BTF3L4: variants seen among roughly 807,000 people sequenced by gnomAD.
BTF3L4 encodes the protein basic transcription factor 3 like 4.
Under a neutral mutation model 16.8 loss-of-function variants are expected in BTF3L4, and 6 were observed. That is an observed-to-expected ratio of 0.36 (90% CI 0.20 to 0.71). The LOEUF is 0.71. Among genes scored for constraint, BTF3L4 ranks in the 30% least tolerant of loss-of-function variants. The pLI is 0.58. For synonymous variants in BTF3L4, 39 were observed against 59.8 expected (o/e 0.65, Z 1.60); for missense variants, 92 against 186.9 (o/e 0.49, Z 2.96).
chr1:52,061,582 T>C, intron 2 of BTF3L4, among the ~76,000 whole-genome samples: 1 of 151,196 alleles, frequency 6.6e-6, no homozygotes, highest in East Asian at 1.9e-4. Flanking sequence ...CATATGGTGC[T>C]AAGATAACAC....
At chr1:52,080,989 G>GCCA (rs1462815032) in intron 3 of BTF3L4, among the ~76,000 whole-genome samples, 8 of 150,892 alleles carry the variant, frequency 5.3e-5, no homozygotes, top group Admixed American at 1.3e-4. Context: ...ACAGGCACAT[G>GCCA]CCACCACACC....
intron 3 of BTF3L4, among the ~76,000 whole-genome samples, chr1:52,066,442 T>C (rs1398736759): frequency 6.6e-6 from 1 of 151,268 alleles, no homozygotes; most frequent in Non-Finnish European, 1.5e-5. Context: ...CCTCAAATAA[T>C]CTGCCCACCT....
rs183803399 is a variant in BTF3L4, at chr1:52,085,412, G to A, written c.371-700G>A. 4.7e-5 allele frequency among the ~76,000 whole-genome samples: 7 copies of A among 149,990 alleles called. No individual in the cohort carries two copies. The East Asian group carries it at 5.9e-4, about 13-fold the overall frequency. On this transcript the variant is annotated intron_variant, in intron 4 of 5. Transcript: ENST00000313334. The stretch of plus-strand genomic sequence containing the variant: ...TTTTGAGACAGAGTCTGACTCTGTC[G>A]CCCAGGATGGAGTGCAGTGGATTAC...
intron 2 of BTF3L4, among the ~76,000 whole-genome samples, chr1:52,064,365 AT>A (rs545790438): frequency 2.2e-4 from 34 of 152,030 alleles, no homozygotes; most frequent in Admixed American, 6.6e-4. Flanking sequence ...ATATTTATTG[AT>A]TTTTTTCCTC....
Position 52,083,346 on chromosome 1 carries a change from A to G in BTF3L4, c.175A>G (p.Met59Val). 6.2e-7 allele frequency: 1 copy of G among 1,612,502 alleles called. No individual in the cohort carries two copies. The highest frequency in any genetic ancestry group is 1.3e-5 in the African/African-American group (1 of 75,014). The change falls in exon 4 of 6, where the codon ATG (methionine) becomes GTG (valine). Residue 59 changes from methionine to valine, a missense_variant. Physicochemically the swap from Met to Val is conservative, Grantham distance 21. Coordinates refer to ENST00000313334, the MANE Select transcript of BTF3L4 (RefSeq NM_152265.5). ...TTCTTCTGTGATCATACAGGTGAAC[A>G]TGATTAAAGATGATGGGACAGTTAT... ...NNIAGIEEVN[M>V]IKDDGTVIHF...
intron 3 of BTF3L4, among the ~76,000 whole-genome samples, chr1:52,077,283 T>G (rs1042196943): frequency 2.0e-5 from 3 of 152,220 alleles, no homozygotes; most frequent in Non-Finnish European, 4.4e-5. Flanking sequence ...AGCTCCTACC[T>G]GTAATCACAA....
At chr1:52,063,938 A>G (rs190301357) in intron 2 of BTF3L4, among the ~76,000 whole-genome samples, 9 of 152,294 alleles carry the variant, frequency 5.9e-5, no homozygotes, top group Admixed American at 5.2e-4. Context: ...CTACATAGCA[A>G]CTTCAGTCAT....
intron 3 of BTF3L4, among the ~76,000 whole-genome samples, chr1:52,080,841 T>C (rs1287038593): frequency 6.9e-6 from 1 of 145,742 alleles, no homozygotes; most frequent in Non-Finnish European, 1.5e-5. Context: ...GCCTTCTTTT[T>C]TTTTTTTTTT....
chr1:52,090,338 A>G lies in BTF3L4; in HGVS notation c.*3580A>G, dbSNP rs979327073. The G allele has an allele frequency of 2.0e-5, 3 of 152,348 alleles. No individual in the cohort carries two copies. Among genetic ancestry groups the G allele is most frequent in the African/African-American group, 7.2e-5 (3 of 41,578 alleles). The allele number at this position is 152,348 out of a possible 1,614,324, so 9.4% of individuals were successfully genotyped here. ...CGTGTTATCTCCTAAGCTATGGCTT[A>G]GATTTTCCGAAGCTCATGGTTCTAG... On this transcript the variant is annotated 3_prime_UTR_variant, in exon 6 of 6. Transcript: ENST00000313334.
intron 3 of BTF3L4, among the ~76,000 whole-genome samples, chr1:52,073,112 C>T (rs1278594111): frequency 6.6e-6 from 1 of 151,930 alleles, no homozygotes; most frequent in Non-Finnish European, 1.5e-5. Flanking sequence ...ATCCCAGCTA[C>T]TCAGGAGGCT....
intron 2 of BTF3L4, among the ~76,000 whole-genome samples, chr1:52,063,857 C>G (rs1686580254): frequency 6.6e-6 from 1 of 152,234 alleles, no homozygotes; most frequent in South Asian, 2.1e-4. Flanking sequence ...ACCATCTTCA[C>G]TGCCATATCC....
intron 3 of BTF3L4, among the ~76,000 whole-genome samples, chr1:52,073,530 A>ACG (rs59524484): frequency 2.9e-4 from 44 of 149,284 alleles, no homozygotes; most frequent in Middle Eastern, 6.9e-3. Flanking sequence ...ACACACACAC[A>ACG]TATGATTACA....
chr1:52,086,120 A>G lies in BTF3L4; in HGVS notation c.379A>G (p.Ser127Gly), dbSNP rs951590482. Reference protein sequence around the residue: ...AEQFPRQVLDSKAPKPEDIDE... With the variant: ...AEQFPRQVLDGKAPKPEDIDE... ...AAATAAACTTTTTGTAGTCTTGGAC[A>G]GTAAAGCACCAAAACCAGAAGACAT... Residue 127 changes from serine to glycine, a missense_variant, in exon 5 of 6, where the codon AGT becomes GGT. Ser to Gly is a moderately conservative substitution (Grantham distance 56, BLOSUM62 0). Transcript: ENST00000313334. The G allele has an allele frequency of 1.2e-6, 2 of 1,608,418 alleles. No homozygotes were observed. Among genetic ancestry groups the G allele is most frequent in the East Asian group, 2.2e-5 (1 of 44,626 alleles).
intron 3 of BTF3L4, among the ~76,000 whole-genome samples, chr1:52,077,329 G>A (rs1319250616): frequency 1.3e-5 from 2 of 152,174 alleles, no homozygotes; most frequent in African/African-American, 4.8e-5. Flanking sequence ...GTCACCTGAG[G>A]TCAGGAGTTT....
chr1:52,059,068 C>G (rs1686445503), intron 1 of BTF3L4, among the ~76,000 whole-genome samples: 1 of 151,678 alleles, frequency 6.6e-6, no homozygotes, highest in Non-Finnish European at 1.5e-5. Flanking sequence ...TAGGAGTCTC[C>G]TCTCTGCCCC....
intron 2 of BTF3L4, chr1:52,060,393 T>G: frequency 9.1e-7 from 1 of 1,103,168 alleles, no homozygotes; most frequent in Non-Finnish European, 1.2e-6. Context: ...TAGCTGGAGA[T>G]GCTTAAGTTG....
chr1:52,075,608 T>C (rs1368775347), intron 3 of BTF3L4, among the ~76,000 whole-genome samples: 1 of 146,122 alleles, frequency 6.8e-6, no homozygotes, highest in African/African-American at 2.5e-5. Context: ...AGTAATTATA[T>C]ATTATATGTA....
chr1:52,069,485 T>C (rs980517900), intron 3 of BTF3L4, among the ~76,000 whole-genome samples: 2 of 152,114 alleles, frequency 1.3e-5, no homozygotes, highest in African/African-American at 4.8e-5. Flanking sequence ...GATATGAACA[T>C]ATATATATGT....
At chr1:52,060,691 C>G (rs1173998892) in intron 2 of BTF3L4, 2 of 936,228 alleles carry the variant, frequency 2.1e-6, no homozygotes, top group Non-Finnish European at 2.6e-6. Flanking sequence ...GTAGTGGGTC[C>G]CACTGTGTCA....
Sources: gnomAD v4.1 joint callset for allele counts (sites outside exome capture counted in the v4.1 genomes callset) on GRCh38, gnomAD v4.1.1 for gene constraint, MANE v1.5 for transcripts, NCBI Gene and HGNC (gene_info 2026-07-23, HGNC 2026-07-21) for gene names.